Variants in ECPAS observed in about 807,000 individuals in gnomAD.
The protein encoded by ECPAS is Ecm29 proteasome adaptor and scaffold, also known as proteasome adapter and scaffold protein ECM29.
Under a neutral mutation model 255.1 loss-of-function variants are expected in ECPAS, and 70 were observed. The ratio of observed to expected loss-of-function variants is 0.27; its 90% CI spans 0.23 to 0.33. The LOEUF is 0.33. ECPAS is among the 10% of genes least tolerant of loss of function. The pLI, the probability that ECPAS is intolerant of heterozygous loss-of-function variation, is 1.00. For missense variants in ECPAS, 1,817 were observed against 2,206.4 expected, an observed-to-expected ratio of 0.82 and a Z score of 3.54; for synonymous variants, 784 against 775.0, an observed-to-expected ratio of 1.01 and a Z score of -0.19.
chr9:111,397,706 A>G (rs1004862446), intron 24 of ECPAS, among the ~76,000 whole-genome samples: 1 of 152,222 alleles, frequency 6.6e-6, no homozygotes, highest in Non-Finnish European at 1.5e-5. Flanking sequence ...ACATTTATTT[A>G]ACAATTATTT....
Position 111,443,067 on chromosome 9 carries a change from G to A in ECPAS, c.271-643C>T, listed in dbSNP as rs74332866. Among the ~76,000 whole-genome samples, 135 of 152,272 alleles carry A rather than the reference G, an allele frequency of 8.9e-4. 2 individuals carry two copies. The East Asian group carries it at 0.019, about 22-fold the overall frequency. On this transcript the variant is annotated intron_variant, in intron 4 of 49. Coordinates refer to ENST00000684092, the MANE Select transcript of ECPAS (RefSeq NM_001364929.1). ...GGGGCATTGCAGATTTTGGATTTGG[G>A]ATGCTAAATCAGGTAAGTATAACGT... is the stretch of plus-strand genomic sequence containing the variant.
chr9:111,393,559 T>A (rs2098163347), intron 27 of ECPAS, 121 bp downstream of exon 27: 1 of 694,110 alleles, frequency 1.4e-6, no homozygotes, highest in African/African-American at 1.8e-5. Context: ...ACAAATAAGG[T>A]TTAATAATTG....
intron 2 of ECPAS, among the ~76,000 whole-genome samples, chr9:111,464,750 G>C (rs1290418727): frequency 6.6e-6 from 1 of 151,944 alleles, no homozygotes; most frequent in African/African-American, 2.4e-5. Context: ...ATACATCACA[G>C]TAATGACAAT....
intron 3 of ECPAS, among the ~76,000 whole-genome samples, chr9:111,449,810 T>G (rs1564553562): frequency 6.6e-6 from 1 of 152,074 alleles, no homozygotes; most frequent in Non-Finnish European, 1.5e-5. Flanking sequence ...GAATACCTCT[T>G]TCCTCCTATC....
At chr9:111,379,021 T>C (rs1258281848) in intron 35 of ECPAS, among the ~76,000 whole-genome samples, 1 of 152,240 alleles carries the variant, frequency 6.6e-6, no homozygotes, top group Non-Finnish European at 1.5e-5. Flanking sequence ...TGAAATTTTA[T>C]GGTAGGAATT....
chr9:111,393,566 A>G (rs1288825173), intron 27 of ECPAS, 114 bp downstream of exon 27: 2 of 722,890 alleles, frequency 2.8e-6, no homozygotes, highest in Non-Finnish European at 4.7e-6. Flanking sequence ...AGGTTTAATA[A>G]TTGTTTTAAT....
At chr9:111,391,415 T>C (rs1289056488) in intron 29 of ECPAS, among the ~76,000 whole-genome samples, 1 of 151,928 alleles carries the variant, frequency 6.6e-6, no homozygotes, top group Non-Finnish European at 1.5e-5. Context: ...CCGTCTCTAC[T>C]AAAATACAAA....
chr9:111,392,720 G>C lies in ECPAS; in HGVS notation c.3092+48C>G, dbSNP rs193055391. Reference sequence around the variant, plus strand: ...CTCCAGCATCTTCTCACTATGTGTAGAGACTTCCTCTATGGGCTTGAATCT... The same window carrying C: ...CTCCAGCATCTTCTCACTATGTGTACAGACTTCCTCTATGGGCTTGAATCT... On this transcript the variant is annotated intron_variant, in intron 28 of 49. Coordinates refer to ENST00000684092, the MANE Select transcript of ECPAS (RefSeq NM_001364929.1). The C allele has an allele frequency of 6.2e-6, 8 of 1,285,772 alleles. No homozygotes were observed. The African/African-American group carries it at 7.3e-5, about 12-fold the overall frequency. 79.6% of individuals were successfully genotyped at this position (1,285,772 alleles called of 1,614,324 possible).
chr9:111,410,095 C>A lies in ECPAS; in HGVS notation c.2496G>T (p.Leu832Phe). 6.3e-7 allele frequency: 1 copy of A among 1,596,812 alleles called. No individual in the cohort carries two copies. The highest frequency in any genetic ancestry group is 8.5e-7 in the Non-Finnish European group (1 of 1,171,236). Residue 832 changes from leucine to phenylalanine, a missense_variant, in exon 23 of 50, where the codon TTG becomes TTT. By Grantham distance (22) the Leu-to-Phe change is conservative. Coordinates refer to ENST00000684092, the MANE Select transcript of ECPAS (RefSeq NM_001364929.1). ...TACTTAGTAAGCTTTCTACAAGATG[C>A]AATTTGGTAAAGCCAGATCCCTCAC... is the stretch of plus-strand genomic sequence containing the variant. The part of the protein sequence containing the change: ...IPSEGSGFTK[L>F]HLVESLLSRI...
intron 46 of ECPAS, among the ~76,000 whole-genome samples, chr9:111,368,478 T>C (rs1000131015): frequency 2.0e-5 from 3 of 152,188 alleles, no homozygotes; most frequent in African/African-American, 4.8e-5. Context: ...AAATGTATCA[T>C]GGTTATTATA....
At position 111,410,999 on chromosome 9, in the gene ECPAS, C is replaced by G. The variant is rs2098193401; in HGVS notation, c.2358G>C (p.Gln786His). 1 of 1,613,852 alleles carries G rather than the reference C, an allele frequency of 6.2e-7. No individual in the cohort carries two copies. Among genetic ancestry groups the G allele is most frequent in the Non-Finnish European group, 8.5e-7 (1 of 1,179,796 alleles). Residue 786 changes from glutamine (Q) to histidine (H), a missense_variant, in exon 22 of 50, where the codon CAG (glutamine) becomes CAC (histidine). By Grantham distance (24) the Gln-to-His change is conservative. Around this residue, in one of 4 missense-constraint regions of ECPAS, gnomAD observed 194 missense variants for 152.8 expected, o/e 1.27. Transcript: ENST00000684092. ...DTLPDQEELI[Q>H]SATETIGSFL... Reference sequence around the variant, plus strand: ...AATTACCTATTGTTTCTGTAGCACTCTGAATGAGTTCCTCTTGATCAGGGA... The same window carrying G: ...AATTACCTATTGTTTCTGTAGCACTGTGAATGAGTTCCTCTTGATCAGGGA...
At chr9:111,477,551 C>G (rs1321990388) in intron 1 of ECPAS, among the ~76,000 whole-genome samples, 1 of 152,130 alleles carries the variant, frequency 6.6e-6, no homozygotes, top group African/African-American at 2.4e-5. Flanking sequence ...CCATTTTGAT[C>G]TTGTTATGAA....
At chr9:111,386,519 T>C in intron 31 of ECPAS, 63 bp from the exon 32 acceptor site, 1 of 944,762 alleles carries the variant, frequency 1.1e-6, no homozygotes, top group Admixed American at 2.2e-5. Context: ...ATTACTCAAC[T>C]CTTAACCACA....
At chr9:111,378,128 A>G (rs1018037880) in intron 36 of ECPAS, among the ~76,000 whole-genome samples, 1 of 152,060 alleles carries the variant, frequency 6.6e-6, no homozygotes, top group Admixed American at 6.5e-5. Context: ...CCTGGGTGAC[A>G]GAGTGATGCT....
intron 10 of ECPAS, among the ~76,000 whole-genome samples, chr9:111,427,593 A>C (rs558943646): frequency 6.6e-6 from 1 of 152,390 alleles, no homozygotes; most frequent in Admixed American, 6.5e-5. Flanking sequence ...GTACATACAT[A>C]AAGAGATATC....
intron 8 of ECPAS, among the ~76,000 whole-genome samples, chr9:111,431,571 A>C (rs1311947881): frequency 6.6e-6 from 1 of 151,866 alleles, no homozygotes; most frequent in Non-Finnish European, 1.5e-5. Flanking sequence ...AAAAAAAAAA[A>C]AAAAAAGATG....
intron 18 of ECPAS, among the ~76,000 whole-genome samples, 152 bp downstream of exon 18, chr9:111,416,120 C>CA (rs1554789081): frequency 6.6e-6 from 1 of 151,762 alleles, no homozygotes; most frequent in African/African-American, 2.4e-5. Context: ...TTTCCCAATA[C>CA]TTTTTTTTTA....
At chr9:111,451,234 A>C (rs1330763282) in intron 3 of ECPAS, among the ~76,000 whole-genome samples, 191 bp downstream of exon 3, 1 of 152,188 alleles carries the variant, frequency 6.6e-6, no homozygotes, top group East Asian at 1.9e-4. Flanking sequence ...GTTGGTGCTA[A>C]ATGCAGCTGT....
chr9:111,417,817 T>A, intron 17 of ECPAS, 66 bp downstream of exon 17: 3 of 1,399,888 alleles, frequency 2.1e-6, no homozygotes, highest in Non-Finnish European at 2.9e-6. Context: ...TTTTTCACTT[T>A]AAAGATGTTT....
Sources: gnomAD v4.1 joint callset for allele counts (sites outside exome capture counted in the v4.1 genomes callset) on GRCh38, gnomAD v4.1.1 for gene constraint, gnomAD v4.1.1 regional missense constraint, MANE v1.5 for transcripts, NCBI Gene and HGNC (gene_info 2026-07-23, HGNC 2026-07-21) for gene names.